Variants in C12orf50 observed in about 807,000 individuals in gnomAD.
C12orf50 encodes the protein uncharacterized protein C12orf50.
In C12orf50, 35 loss-of-function variants were observed where a neutral mutation model predicts 61.6. That is an observed-to-expected ratio of 0.57 (90% CI 0.43 to 0.75). The LOEUF (loss-of-function observed/expected upper bound fraction) is 0.75, where lower values mean the gene tolerates loss of function less well. C12orf50 is among the 30% of genes least tolerant of loss of function. The probability of loss-of-function intolerance (pLI) is 0.00; values close to 1 mark genes in which losing one functional copy is unlikely to be tolerated. For missense variants in C12orf50, 475 were observed against 488.5 expected (o/e 0.97, Z 0.26); for synonymous variants, 178 against 161.5 (o/e 1.10, Z -0.77).
chr12:87,990,492 G>C (rs2031067226), intron 7 of C12orf50, among the ~76,000 whole-genome samples: 1 of 152,022 alleles, frequency 6.6e-6, no homozygotes, highest in African/African-American at 2.4e-5. Flanking sequence ...GCTTTTATTA[G>C]AATAACTTTC....
chr12:87,985,731 T>G, intron 11 of C12orf50, 119 bp downstream of exon 11: 1 of 932,838 alleles, frequency 1.1e-6, no homozygotes, highest in Non-Finnish European at 1.7e-6. Flanking sequence ...TCTATGGTGG[T>G]GATGGCCAGG....
At chr12:88,003,558 G>T (rs2031735659) in intron 3 of C12orf50, among the ~76,000 whole-genome samples, 1 of 151,812 alleles carries the variant, frequency 6.6e-6, no homozygotes, top group Non-Finnish European at 1.5e-5. Flanking sequence ...TTTTATTTTT[G>T]AAATACAGCA....
intron 7 of C12orf50, among the ~76,000 whole-genome samples, chr12:87,993,898 T>C (rs769931685): frequency 2.0e-4 from 30 of 152,132 alleles, no homozygotes; most frequent in Non-Finnish European, 3.8e-4. Context: ...ATATAGCTCC[T>C]TTAAAGTAGA....
At chr12:87,982,267 AAG>A (rs2030525194) in intron 12 of C12orf50, among the ~76,000 whole-genome samples, 1 of 152,132 alleles carries the variant, frequency 6.6e-6, no homozygotes, top group African/African-American at 2.4e-5. Flanking sequence ...AGTTAAAAGA[AAG>A]TATGATCAAT....
intron 3 of C12orf50, among the ~76,000 whole-genome samples, chr12:88,003,564 C>T (rs1338828017): frequency 6.6e-6 from 1 of 151,920 alleles, no homozygotes; most frequent in Non-Finnish European, 1.5e-5. Flanking sequence ...TTTTGAAATA[C>T]AGCATTTAAA....
intron 3 of C12orf50, among the ~76,000 whole-genome samples, chr12:88,006,891 G>C (rs1310813589): frequency 6.6e-6 from 1 of 152,206 alleles, no homozygotes; most frequent in Non-Finnish European, 1.5e-5. Flanking sequence ...GGTGAAAGGA[G>C]TGGGTGGTGG....
chr12:88,027,135 G>A, intron 1 of C12orf50, 65 bp from the exon 2 acceptor site: 1 of 1,462,690 alleles, frequency 6.8e-7, no homozygotes, highest in Non-Finnish European at 9.1e-7. Flanking sequence ...ACAACAATAG[G>A]TTGCTAATTA....
intron 12 of C12orf50, among the ~76,000 whole-genome samples, chr12:87,981,985 C>A (rs1189592367): frequency 1.3e-5 from 2 of 151,958 alleles, no homozygotes; most frequent in Non-Finnish European, 2.9e-5. Context: ...CTGAAGTGAC[C>A]CTTCCTTTCC....
At chr12:88,005,912 G>GTTTTTTTTTTTTTTTTTT (rs371924944) in intron 3 of C12orf50, among the ~76,000 whole-genome samples, 1 of 91,036 alleles carries the variant, frequency 1.1e-5, no homozygotes, top group African/African-American at 4.3e-5. Flanking sequence ...TGTTTTTTTG[G>GTTTTTTTTTTTTTTTTTT]TTTTTTTTTT....
At chr12:88,019,541 T>C (rs2032436727) in intron 3 of C12orf50, among the ~76,000 whole-genome samples, 1 of 151,626 alleles carries the variant, frequency 6.6e-6, no homozygotes, top group Non-Finnish European at 1.5e-5. Context: ...CTAGATCAAA[T>C]AGAGTCTCTT....
In C12orf50 at chr12:88,027,084, T is replaced by C; in HGVS notation, c.-108-14A>G. On this transcript the variant is annotated splice_polypyrimidine_tract_variant and intron_variant, in intron 1 of 12. Coordinates refer to ENST00000298699, the MANE Select transcript of C12orf50 (RefSeq NM_152589.3). ...GCACTGGGAACCCTAAAAGAAAAAGTAAACAGTGTAGAAAGCTCAATATGT... is the reference window on the plus strand; with the variant it reads ...GCACTGGGAACCCTAAAAGAAAAAGCAAACAGTGTAGAAAGCTCAATATGT... 6.3e-7 allele frequency: 1 copy of C among 1,594,504 alleles called. No homozygotes were observed. Among genetic ancestry groups the C allele is most frequent in the Non-Finnish European group, 8.5e-7 (1 of 1,173,494 alleles).
intron 12 of C12orf50, among the ~76,000 whole-genome samples, chr12:87,981,764 C>T (rs1381876194): frequency 1.3e-5 from 2 of 152,018 alleles, no homozygotes; most frequent in Non-Finnish European, 2.9e-5. Flanking sequence ...ATGTGAGATG[C>T]CCTCCCACGC....
chr12:88,013,815 TTGG>T (rs2032203745), intron 3 of C12orf50, among the ~76,000 whole-genome samples: 1 of 152,134 alleles, frequency 6.6e-6, no homozygotes, highest in Non-Finnish European at 1.5e-5. Flanking sequence ...ATCAGTTTAA[TTGG>T]TGGTTTAGGT....
chr12:88,009,674 A>G (rs1206371090), intron 3 of C12orf50, among the ~76,000 whole-genome samples: 1 of 152,022 alleles, frequency 6.6e-6, no homozygotes, highest in Non-Finnish European at 1.5e-5. Flanking sequence ...CCAAAATCTC[A>G]ATAGTGGTAA....
intron 3 of C12orf50, among the ~76,000 whole-genome samples, chr12:88,004,118 G>A (rs560349473): frequency 2.0e-5 from 3 of 151,800 alleles, no homozygotes; most frequent in East Asian, 1.9e-4. Flanking sequence ...GGGTTTTTTC[G>A]TAGTTTTTAC....
At chr12:87,991,169 G>A (rs899344148) in intron 7 of C12orf50, among the ~76,000 whole-genome samples, 3 of 152,118 alleles carry the variant, frequency 2.0e-5, no homozygotes. Context: ...GTCCTTCACA[G>A]AATCAAGGTG....
rs2032298141 is a variant in C12orf50, at chr12:88,016,034, T to C, written c.133+10454A>G. On this transcript the variant is annotated intron_variant, in intron 3 of 12. Coordinates refer to ENST00000298699, the MANE Select transcript of C12orf50 (RefSeq NM_152589.3). Reference sequence around the variant, plus strand: ...GAAATTGCCTTTGGCAAGTGCCTCATACTGGAAGAACACAGCCGGTGATTT... The same window carrying C: ...GAAATTGCCTTTGGCAAGTGCCTCACACTGGAAGAACACAGCCGGTGATTT... Among the ~76,000 whole-genome samples the C allele has an allele frequency of 2.6e-5, 4 of 152,258 alleles. 1 individual carries two copies. Among genetic ancestry groups the C allele is most frequent in the South Asian group, 2.1e-4 (1 of 4,824 alleles).
intron 3 of C12orf50, among the ~76,000 whole-genome samples, chr12:88,012,694 T>C (rs34404753): frequency 0.031 from 4,750 of 152,218 alleles, 126 homozygotes; most frequent in Non-Finnish European, 0.05. Context: ...CTAAAAGTAA[T>C]TAGGAGGAAA....
At chr12:87,996,876 G>A (rs780665381) in intron 4 of C12orf50, among the ~76,000 whole-genome samples, 2 of 152,160 alleles carry the variant, frequency 1.3e-5, no homozygotes, top group Non-Finnish European at 2.9e-5. Context: ...TTTGAAATGA[G>A]ACGCTGAATG....
Sources: gnomAD v4.1 joint callset for allele counts (sites outside exome capture counted in the v4.1 genomes callset) on GRCh38, gnomAD v4.1.1 for gene constraint, MANE v1.5 for transcripts, NCBI Gene and HGNC (gene_info 2026-07-23, HGNC 2026-07-21) for gene names.